The following ZFAND3 variants were observed in gnomAD, a reference collection of about 807,000 sequenced individuals.
The protein encoded by ZFAND3 is AN1-type zinc finger protein 3.
ZFAND3 carries 10 observed loss-of-function variants against 29.6 expected under a neutral mutation model. The observed-to-expected ratio is 0.34, with a 90% CI of 0.21 to 0.57. The LOEUF (loss-of-function observed/expected upper bound fraction) is 0.57, where lower values mean the gene tolerates loss of function less well. ZFAND3 is among the 20% of genes least tolerant of loss of function. ZFAND3 has a pLI of 0.86. For missense variants in ZFAND3, 230 were observed against 304.5 expected, an observed-to-expected ratio of 0.76 and a Z score of 1.82; for synonymous variants, 128 against 112.6, an observed-to-expected ratio of 1.14 and a Z score of -0.87.
At chr6:38,141,321 CAACA>C (rs931537877) in intron 5 of ZFAND3, among the ~76,000 whole-genome samples, 2 of 152,172 alleles carry the variant, frequency 1.3e-5, no homozygotes, top group African/African-American at 4.8e-5. Flanking sequence ...TGAGGCTTTT[CAACA>C]AACAATCAGT....
intron 4 of ZFAND3, among the ~76,000 whole-genome samples, chr6:38,104,153 G>T (rs1203301122): frequency 6.6e-6 from 1 of 152,152 alleles, no homozygotes; most frequent in African/African-American, 2.4e-5. Flanking sequence ...CCTCTTTGAG[G>T]AATTTAGCTC....
At chr6:37,909,006 T>A (rs1168626715) in intron 1 of ZFAND3, among the ~76,000 whole-genome samples, 1 of 152,160 alleles carries the variant, frequency 6.6e-6, no homozygotes, top group African/African-American at 2.4e-5. Context: ...TAGGTTTCTG[T>A]ACTTGGGTAA....
chr6:37,822,645 C>T (rs1160387102), intron 1 of ZFAND3, among the ~76,000 whole-genome samples: 1 of 152,086 alleles, frequency 6.6e-6, no homozygotes, highest in Non-Finnish European at 1.5e-5. Context: ...TACAGGTGCT[C>T]TAGGGGAGGG....
At chr6:38,019,694 A>G (rs372123824) in intron 2 of ZFAND3, among the ~76,000 whole-genome samples, 3 of 152,180 alleles carry the variant, frequency 2.0e-5, no homozygotes. Flanking sequence ...GATGAAAGAC[A>G]TCTTAAACAT....
intron 1 of ZFAND3, among the ~76,000 whole-genome samples, chr6:37,903,418 T>G (rs1765354348): frequency 6.6e-6 from 1 of 152,234 alleles, no homozygotes; most frequent in Non-Finnish European, 1.5e-5. Flanking sequence ...CACATTGGTT[T>G]TCTGGGAACT....
At chr6:38,030,287 A>G (rs2127451320) in intron 2 of ZFAND3, among the ~76,000 whole-genome samples, 1 of 151,528 alleles carries the variant, frequency 6.6e-6, no homozygotes. Flanking sequence ...TTGGCTTCCC[A>G]AAGTGTTGGG....
intron 1 of ZFAND3, among the ~76,000 whole-genome samples, chr6:37,914,322 A>G (rs1282927629): frequency 1.3e-5 from 2 of 152,162 alleles, no homozygotes; most frequent in Non-Finnish European, 2.9e-5. Context: ...TCCCTGGAGC[A>G]TAGGCAGAGT....
chr6:38,082,492 T>G lies in ZFAND3; in HGVS notation c.361+35T>G, dbSNP rs768812326. 6.3e-6 allele frequency: 10 copies of G among 1,586,912 alleles called. No individual in the cohort carries two copies. The African/African-American group carries it at 1.2e-4, about 19-fold the overall frequency. On this transcript the variant is annotated intron_variant, in intron 4 of 5. Transcript: ENST00000287218. Reference sequence around the variant, plus strand: ...TCATTCTTATGTGAATTCATCCTTATTTGAATTCTTCACAGAAGTTAGCAA... The same window carrying G: ...TCATTCTTATGTGAATTCATCCTTAGTTGAATTCTTCACAGAAGTTAGCAA...
chr6:37,873,060 C>CTG (rs1764723443), intron 1 of ZFAND3, among the ~76,000 whole-genome samples: 1 of 152,104 alleles, frequency 6.6e-6, no homozygotes, highest in Non-Finnish European at 1.5e-5. Flanking sequence ...AGATCGAGAC[C>CTG]ATCTTGGCTA....
intron 2 of ZFAND3, among the ~76,000 whole-genome samples, chr6:37,996,111 A>C (rs1762844618): frequency 6.6e-6 from 1 of 152,014 alleles, no homozygotes; most frequent in African/African-American, 2.4e-5. Flanking sequence ...CCTGGGCTAC[A>C]AGAGCGAAAC....
At chr6:37,963,898 G>A (rs1356909028) in intron 2 of ZFAND3, among the ~76,000 whole-genome samples, 2 of 152,188 alleles carry the variant, frequency 1.3e-5, no homozygotes, top group East Asian at 1.9e-4. Context: ...ATAGCTGTGC[G>A]TTTTCCTGTA....
At chr6:37,933,226 C>T (rs1370494467) in intron 2 of ZFAND3, among the ~76,000 whole-genome samples, 2 of 152,156 alleles carry the variant, frequency 1.3e-5, no homozygotes, top group Non-Finnish European at 2.9e-5. Context: ...TTGTTTGCCA[C>T]TAGGTTAAAC....
chr6:37,828,575 G>A (rs561424430), intron 1 of ZFAND3, among the ~76,000 whole-genome samples: 2 of 152,120 alleles, frequency 1.3e-5, no homozygotes, highest in Non-Finnish European at 2.9e-5. Flanking sequence ...AAGGTATGGT[G>A]ATTTCAATGT....
chr6:38,144,227 A>ATTTTTTT (rs1766051946), intron 5 of ZFAND3, among the ~76,000 whole-genome samples: 4 of 80,156 alleles, frequency 5.0e-5, no homozygotes, highest in East Asian at 7.2e-4. Context: ...TAATATATAT[A>ATTTTTTT]TATATTTTTT....
chr6:37,821,921 C>G (rs1335492710), intron 1 of ZFAND3, among the ~76,000 whole-genome samples: 1 of 152,160 alleles, frequency 6.6e-6, no homozygotes, highest in African/African-American at 2.4e-5. Context: ...GCAGCCTGCA[C>G]CTCCCGGGTT....
At chr6:38,080,297 A>C (rs894630168) in intron 3 of ZFAND3, among the ~76,000 whole-genome samples, 5 of 151,244 alleles carry the variant, frequency 3.3e-5, no homozygotes, top group Admixed American at 6.6e-5. Context: ...CCAGAACTTA[A>C]AGTATAATAT....
chr6:38,037,747 T>C (rs902333499), intron 2 of ZFAND3, among the ~76,000 whole-genome samples: 2 of 152,168 alleles, frequency 1.3e-5, no homozygotes, highest in African/African-American at 4.8e-5. Context: ...GGCTCACCTT[T>C]ATCATTCTAA....
intron 3 of ZFAND3, 131 bp downstream of exon 3, chr6:38,061,906 C>T: frequency 1.9e-6 from 2 of 1,058,508 alleles, no homozygotes; most frequent in Non-Finnish European, 2.7e-6. Flanking sequence ...ATACAAGGCC[C>T]AAGCTCAGCA....
chr6:38,134,460 ACTT>A (rs1765802790), intron 5 of ZFAND3, among the ~76,000 whole-genome samples: 1 of 151,992 alleles, frequency 6.6e-6, no homozygotes, highest in African/African-American at 2.4e-5. Context: ...GGAACTAGTG[ACTT>A]CTTTTTTTTC....
Sources: gnomAD v4.1 joint callset for allele counts (sites outside exome capture counted in the v4.1 genomes callset) on GRCh38, gnomAD v4.1.1 for gene constraint, MANE v1.5 for transcripts, NCBI Gene and HGNC (gene_info 2026-07-23, HGNC 2026-07-21) for gene names.